The following GRIK3 variants were observed in gnomAD, a reference collection of about 807,000 sequenced individuals.
GRIK3 encodes the protein glutamate receptor ionotropic, kainate 3.
In GRIK3, 29 loss-of-function variants were observed where a neutral mutation model predicts 102.5. The observed-to-expected ratio is 0.28, with a 90% CI of 0.21 to 0.39. The LOEUF (loss-of-function observed/expected upper bound fraction) is 0.39, where lower values mean the gene tolerates loss of function less well. Ranked by LOEUF, GRIK3 falls within the 10% of genes least tolerant of loss-of-function variation. The pLI, the probability that GRIK3 is intolerant of heterozygous loss-of-function variation, is 1.00. For synonymous variants in GRIK3, 511 were observed against 504.9 expected, an observed-to-expected ratio of 1.01 and a Z score of -0.16; for missense variants, 908 against 1,252.4, an observed-to-expected ratio of 0.73 and a Z score of 4.15.
At chr1:37,024,542 C>T (rs986967174) in intron 1 of GRIK3, among the ~76,000 whole-genome samples, 19 of 150,782 alleles carry the variant, frequency 1.3e-4, no homozygotes, top group Non-Finnish European at 2.4e-4. Context: ...GTCAGGAGTT[C>T]GACCAGCCTG....
chr1:37,033,997 T>A lies in GRIK3; in HGVS notation c.112A>T (p.Ile38Phe), dbSNP rs1183203509. 3.2e-6 allele frequency: 5 copies of A among 1,580,724 alleles called. No homozygotes were observed. The South Asian group carries it at 5.7e-5, about 18-fold the overall frequency. ...CCCGGCTCCAGGGAGCGCTTACCGATCCGGATGACGTGGGGCATCCCGCGC... is the reference window on the plus strand; with the variant it reads ...CCCGGCTCCAGGGAGCGCTTACCGAACCGGATGACGTGGGGCATCCCGCGC... ...DSRGMPHVIR[I>F]GGIFEYADGP... Residue 38 changes from isoleucine to phenylalanine, a missense_variant, in exon 1 of 16, where the codon ATC becomes TTC. This residue lies in a region of GRIK3 where 585 missense variants were observed against 824.9 expected (regional missense o/e 0.71). Coordinates refer to ENST00000373091, the MANE Select transcript of GRIK3 (RefSeq NM_000831.4).
intron 1 of GRIK3, among the ~76,000 whole-genome samples, chr1:37,007,165 A>C (rs1442178712): frequency 6.6e-6 from 1 of 152,240 alleles, no homozygotes; most frequent in African/African-American, 2.4e-5. Flanking sequence ...GCACCACTAC[A>C]TGCAGGCACT....
At chr1:37,000,266 A>G (rs934440066) in intron 1 of GRIK3, among the ~76,000 whole-genome samples, 2 of 152,214 alleles carry the variant, frequency 1.3e-5, no homozygotes, top group African/African-American at 4.8e-5. Flanking sequence ...TATTTTTATT[A>G]CCTTCATCAC....
intron 1 of GRIK3, among the ~76,000 whole-genome samples, chr1:36,916,069 T>C (rs1641395827): frequency 6.6e-6 from 1 of 152,182 alleles, no homozygotes; most frequent in South Asian, 2.1e-4. Flanking sequence ...ATATCGTCAA[T>C]GAAATTCAGG....
In GRIK3 at chr1:36,989,166, C is replaced by T. The variant is rs1445118232; in HGVS notation, c.115+44828G>A. 4.6e-5 allele frequency among the ~76,000 whole-genome samples: 7 copies of T among 152,288 alleles called. No individual in the cohort carries two copies. The East Asian group carries it at 9.6e-4, about 21-fold the overall frequency. On this transcript the variant is annotated intron_variant, in intron 1 of 15. Transcript: ENST00000373091. The stretch of plus-strand genomic sequence containing the variant: ...CATTCCCGTACACATGCTCCATGGT[C>T]CCGCAACCAAGTACACGCATCCTCT...
Position 36,801,817 on chromosome 1 carries a change from GC to G in GRIK3, c.*33del. On this transcript the variant is annotated 3_prime_UTR_variant, in exon 16 of 16. Coordinates refer to ENST00000373091, the MANE Select transcript of GRIK3 (RefSeq NM_000831.4). ...AATCTCCTTTGCTTTCCTCTGCCCA[GC>G]CCCCAGGCCTGAGGTCCCCACCCCA... The G allele has an allele frequency of 1.3e-6, 2 of 1,539,382 alleles. No homozygotes were observed. The highest frequency in any genetic ancestry group is 8.8e-7 in the Non-Finnish European group (1 of 1,136,412).
chr1:36,847,764 C>T (rs1278437802), intron 9 of GRIK3, among the ~76,000 whole-genome samples: 1 of 152,224 alleles, frequency 6.6e-6, no homozygotes, highest in Non-Finnish European at 1.5e-5. Flanking sequence ...GGCAAATCAA[C>T]ATCAAAGCCA....
At chr1:36,877,120 T>G (rs1209495851) in intron 3 of GRIK3, among the ~76,000 whole-genome samples, 1 of 152,154 alleles carries the variant, frequency 6.6e-6, no homozygotes, top group Non-Finnish European at 1.5e-5. Context: ...AAGGCACTTG[T>G]GGGTAAGAGC....
chr1:36,944,790 C>T (rs528033699), intron 1 of GRIK3, among the ~76,000 whole-genome samples: 2 of 152,346 alleles, frequency 1.3e-5, no homozygotes, highest in South Asian at 4.1e-4. Flanking sequence ...GGGAGAACAA[C>T]CACCTTGACG....
At chr1:36,824,851 C>T (rs1642736002) in intron 11 of GRIK3, among the ~76,000 whole-genome samples, 1 of 152,088 alleles carries the variant, frequency 6.6e-6, no homozygotes, top group Non-Finnish European at 1.5e-5. Context: ...TGTAAGGTCA[C>T]CTATTGCTTG....
At chr1:36,941,389 C>T (rs373671644) in intron 1 of GRIK3, among the ~76,000 whole-genome samples, 95 of 152,270 alleles carry the variant, frequency 6.2e-4, no homozygotes, top group East Asian at 2.7e-3. Context: ...ATTCATTTTT[C>T]GGGAGAAGCA....
chr1:37,011,964 C>T (rs1340392495), intron 1 of GRIK3, among the ~76,000 whole-genome samples: 9 of 152,134 alleles, frequency 5.9e-5, no homozygotes, highest in Non-Finnish European at 2.9e-5. Context: ...ACCTCCCATG[C>T]ACCACCTCCC....
intron 1 of GRIK3, among the ~76,000 whole-genome samples, chr1:36,937,087 C>A (rs1036500057): frequency 1.3e-5 from 2 of 152,124 alleles, no homozygotes; most frequent in Non-Finnish European, 2.9e-5. Flanking sequence ...GAAGACAGGG[C>A]CCTTCAAATT....
rs1365978193 is a variant in GRIK3 at position 36,872,319 on chromosome 1, G to A, written c.601C>T (p.Arg201Cys). Residue 201 changes from arginine (R) to cysteine (C), a missense_variant, in exon 4 of 16, where the codon CGC (arginine) becomes TGC (cysteine). Around this residue, in one of 3 missense-constraint regions of GRIK3, gnomAD observed 585 missense variants for 824.9 expected, o/e 0.71. Transcript: ENST00000373091. The surrounding 1 kb of genome is among the most constrained non-coding windows in gnomAD (Gnocchi z 5.9). ...LIMAPSRYNI[R>C]LKIRQLPIDS... is the part of the protein sequence containing the mutation. ...ATGGGGAGCTGACGGATCTTCAGGC[G>A]GATGTTGTATCTTGATGGGGCCATG... is the stretch of plus-strand genomic sequence containing the variant. The A allele has an allele frequency of 5.0e-6, 8 of 1,612,262 alleles. No homozygotes were observed. The highest frequency in any genetic ancestry group is 6.8e-6 in the Non-Finnish European group (8 of 1,179,134).
chr1:36,866,392 T>C (rs1197675704), intron 5 of GRIK3, among the ~76,000 whole-genome samples: 1 of 152,216 alleles, frequency 6.6e-6, no homozygotes, highest in Non-Finnish European at 1.5e-5. Context: ...GACAGCTCCC[T>C]GCTGCGAAAA....
At position 37,034,250 on chromosome 1, in the gene GRIK3, C is replaced by A. The variant is rs1264324040; in HGVS notation, c.-142G>T. On this transcript the variant is annotated 5_prime_UTR_variant, in exon 1 of 16. Transcript: ENST00000373091. Reference sequence around the variant, plus strand: ...CCCGAGCGCCGCTGCAAGTGGGGGGCGCCCCGCGGCGCCGCGCACATCTTA... The same window carrying A: ...CCCGAGCGCCGCTGCAAGTGGGGGGAGCCCCGCGGCGCCGCGCACATCTTA... The A allele has an allele frequency of 6.4e-6, 1 of 155,290 alleles. No individual in the cohort carries two copies. Among genetic ancestry groups the A allele is most frequent in the Admixed American group, 6.6e-5 (1 of 15,102 alleles). 9.6% of individuals were successfully genotyped at this position (155,290 alleles called of 1,614,324 possible). A position where few individuals can be genotyped will look rare whatever the true frequency, so the allele number is the denominator to read the frequency against.
At position 36,800,338 on chromosome 1, in the gene GRIK3, T is replaced by G. The variant is rs1642427614; in HGVS notation, c.*1513A>C. 6.6e-6 allele frequency: 1 copy of G among 152,310 alleles called. No individual in the cohort carries two copies. Among genetic ancestry groups the G allele is most frequent in the East Asian group, 1.9e-4 (1 of 5,192 alleles). The allele number at this position is 152,310 out of a possible 1,614,324, so 9.4% of individuals were successfully genotyped here. A position where few individuals can be genotyped will look rare whatever the true frequency, so the allele number is the denominator to read the frequency against. On this transcript the variant is annotated 3_prime_UTR_variant, in exon 16 of 16. Transcript: ENST00000373091. ...CCATGGTAACCCTGCTGGCCCATCA[T>G]GTTCTCTTTAAGGACACTTTGTTCC...
At chr1:36,971,751 T>C (rs1025243894) in intron 1 of GRIK3, among the ~76,000 whole-genome samples, 1 of 152,072 alleles carries the variant, frequency 6.6e-6, no homozygotes, top group African/African-American at 2.4e-5. Flanking sequence ...GATAGCAGAG[T>C]GAAGAAGACT....
At chr1:36,885,914 C>G (rs897150434) in intron 2 of GRIK3, among the ~76,000 whole-genome samples, 2 of 152,210 alleles carry the variant, frequency 1.3e-5, no homozygotes, top group East Asian at 1.9e-4. Context: ...GCTGTCCCCC[C>G]ACTCCCTTTC....
Sources: allele counts gnomAD v4.1 joint callset (sites outside exome capture counted in the v4.1 genomes callset), GRCh38; gene constraint gnomAD v4.1.1; regional missense constraint gnomAD v4.1.1; non-coding constraint Gnocchi (gnomAD v3.1); transcripts MANE v1.5; gene names NCBI Gene and HGNC (gene_info 2026-07-23, HGNC 2026-07-21).